Variants in PPP3CA observed in about 807,000 individuals in gnomAD.
PPP3CA encodes the protein protein phosphatase 3 catalytic subunit alpha.
PPP3CA carries 14 observed loss-of-function variants against 66.5 expected under a neutral mutation model. The ratio of observed to expected loss-of-function variants is 0.21; its 90% CI spans 0.14 to 0.33. PPP3CA has a LOEUF of 0.33. Among genes scored for constraint, PPP3CA ranks in the 10% least tolerant of loss-of-function variants. The probability of loss-of-function intolerance (pLI) is 1.00; values close to 1 mark genes in which losing one functional copy is unlikely to be tolerated. For missense variants in PPP3CA, 317 were observed against 639.5 expected (o/e 0.50, Z 5.44); for synonymous variants, 232 against 226.2 (o/e 1.03, Z -0.23).
At chr4:101,260,568 T>A (rs532386436) in intron 1 of PPP3CA, among the ~76,000 whole-genome samples, 1 of 152,224 alleles carries the variant, frequency 6.6e-6, no homozygotes, top group South Asian at 2.1e-4. Flanking sequence ...TGATCCTTCA[T>A]CAAAAAATGC....
intron 3 of PPP3CA, among the ~76,000 whole-genome samples, chr4:101,106,722 T>C (rs574141429): frequency 1.2e-4 from 19 of 152,222 alleles, no homozygotes; most frequent in African/African-American, 3.6e-4. Context: ...CAAGAAGATA[T>C]ACCCTTCTCT....
chr4:101,311,088 C>T (rs899652144), intron 1 of PPP3CA, among the ~76,000 whole-genome samples: 2 of 152,222 alleles, frequency 1.3e-5, no homozygotes, highest in Admixed American at 1.3e-4. Flanking sequence ...TCCTTCACTT[C>T]AGGGTTTCTT....
intron 1 of PPP3CA, among the ~76,000 whole-genome samples, chr4:101,222,534 C>T (rs1338211002): frequency 6.6e-6 from 1 of 151,454 alleles, no homozygotes; most frequent in Non-Finnish European, 1.5e-5. Context: ...AGGAAGGGTA[C>T]ACCTTATATT....
chr4:101,091,130 G>C (rs1312695620), intron 6 of PPP3CA, among the ~76,000 whole-genome samples: 1 of 151,992 alleles, frequency 6.6e-6, no homozygotes, highest in Non-Finnish European at 1.5e-5. Flanking sequence ...AATGCAACAG[G>C]ACTCAATATC....
chr4:101,148,717 C>T (rs1723043921), intron 2 of PPP3CA, among the ~76,000 whole-genome samples: 1 of 152,076 alleles, frequency 6.6e-6, no homozygotes. Context: ...TCTTTTATCT[C>T]AGATGGTAAA....
At chr4:101,250,284 C>A (rs1276763373) in intron 1 of PPP3CA, 7 of 452,368 alleles carry the variant, frequency 1.5e-5, no homozygotes, top group Non-Finnish European at 3.1e-5. Flanking sequence ...GTCAGACAGA[C>A]CTGAATACTA....
At chr4:101,108,232 C>A (rs1443464202) in intron 3 of PPP3CA, 2 of 152,168 alleles carry the variant, frequency 1.3e-5, no homozygotes, top group Non-Finnish European at 2.9e-5. Flanking sequence ...TAGACAACCA[C>A]AGACAGAGAC....
chr4:101,120,050 G>A (rs1367444377), intron 2 of PPP3CA, among the ~76,000 whole-genome samples: 1 of 152,046 alleles, frequency 6.6e-6, no homozygotes, highest in Non-Finnish European at 1.5e-5. Context: ...AAGAAAATCT[G>A]TTAAGAAAAA....
At chr4:101,133,716 C>T (rs1463354164) in intron 2 of PPP3CA, among the ~76,000 whole-genome samples, 1 of 152,152 alleles carries the variant, frequency 6.6e-6, no homozygotes, top group African/African-American at 2.4e-5. Flanking sequence ...CTACCATTGA[C>T]TTTCTTCACA....
At chr4:101,184,604 T>C (rs1315048956) in intron 2 of PPP3CA, among the ~76,000 whole-genome samples, 1 of 151,248 alleles carries the variant, frequency 6.6e-6, no homozygotes, top group Non-Finnish European at 1.5e-5. Context: ...TTATTAAAAA[T>C]AATTTCACCT....
intron 2 of PPP3CA, among the ~76,000 whole-genome samples, chr4:101,134,354 T>C (rs1722546021): frequency 6.6e-6 from 1 of 152,118 alleles, no homozygotes; most frequent in African/African-American, 2.4e-5. Context: ...GACAAAGGGC[T>C]AATATCCAGA....
intron 8 of PPP3CA, among the ~76,000 whole-genome samples, chr4:101,072,293 C>G (rs1462638688): frequency 6.6e-6 from 1 of 152,080 alleles, no homozygotes; most frequent in African/African-American, 2.4e-5. Context: ...TTAGAGTCAC[C>G]TAAACATAAT....
At chr4:101,089,624 T>C (rs1729822030) in intron 6 of PPP3CA, among the ~76,000 whole-genome samples, 1 of 152,206 alleles carries the variant, frequency 6.6e-6, no homozygotes, top group Admixed American at 6.5e-5. Flanking sequence ...ATTGATAACC[T>C]AAACACCAAA....
chr4:101,062,346 G>A (rs2110225925), intron 9 of PPP3CA, among the ~76,000 whole-genome samples: 1 of 151,978 alleles, frequency 6.6e-6, no homozygotes, highest in South Asian at 2.1e-4. Context: ...AACTTGACTG[G>A]TTTAATCATT....
intron 2 of PPP3CA, among the ~76,000 whole-genome samples, chr4:101,161,966 G>A (rs559179756): frequency 2.0e-5 from 3 of 152,298 alleles, no homozygotes; most frequent in East Asian, 3.9e-4. Context: ...TAGGCCGGGC[G>A]CGGTGACTCA....
chr4:101,255,815 C>G (rs1412576143), intron 1 of PPP3CA, among the ~76,000 whole-genome samples: 1 of 151,788 alleles, frequency 6.6e-6, no homozygotes, highest in African/African-American at 2.4e-5. Context: ...GCATGTTTAG[C>G]TTGTTACTTT....
intron 10 of PPP3CA, among the ~76,000 whole-genome samples, chr4:101,042,434 T>C (rs781729118): frequency 3.3e-5 from 5 of 152,106 alleles, no homozygotes; most frequent in Non-Finnish European, 7.4e-5. Flanking sequence ...TTTCAACATA[T>C]CCAATGGGAA....
chr4:101,123,196 CTTCT>C (rs1341821184), intron 2 of PPP3CA, among the ~76,000 whole-genome samples: 2 of 152,062 alleles, frequency 1.3e-5, no homozygotes, highest in Admixed American at 6.6e-5. Flanking sequence ...GATTTTTATT[CTTCT>C]TTGTCTATTG....
intron 1 of PPP3CA, among the ~76,000 whole-genome samples, chr4:101,318,594 T>C (rs777827014): frequency 6.6e-6 from 1 of 152,128 alleles, no homozygotes; most frequent in Non-Finnish European, 1.5e-5. Context: ...ACTGCTCTGT[T>C]TGTATATCCA....
Sources: gnomAD v4.1 joint callset for allele counts (sites outside exome capture counted in the v4.1 genomes callset) on GRCh38, gnomAD v4.1.1 for gene constraint, MANE v1.5 for transcripts, NCBI Gene and HGNC (gene_info 2026-07-23, HGNC 2026-07-21) for gene names.